The following TENM4 variants were observed in gnomAD, a reference collection of about 807,000 sequenced individuals.
The protein encoded by TENM4 is teneurin transmembrane protein 4.
In TENM4, 82 loss-of-function variants were observed where a neutral mutation model predicts 243.3. The ratio of observed to expected loss-of-function variants is 0.34; its 90% CI spans 0.28 to 0.40. The LOEUF is 0.40. Among genes scored for constraint, TENM4 ranks in the 10% least tolerant of loss-of-function variants. The pLI is 1.00. For synonymous variants in TENM4, 1,412 were observed against 1,456.3 expected (o/e 0.97, Z 0.69); for missense variants, 3,138 against 3,673.3 (o/e 0.85, Z 3.77).
chr11:78,732,568 C>A lies in TENM4; in HGVS notation c.2886G>T (p.Leu962Phe). The A allele has an allele frequency of 6.3e-7, 1 of 1,598,072 alleles. No homozygotes were observed. ...TGATGGAGATGCCGCCATTTGTCAC[C>A]AAGTCAAAGCTGTTTGGGAGGGGAA... is the stretch of plus-strand genomic sequence containing the variant. The part of the protein sequence containing the change: ...TISRQDGSFD[L>F]VTNGGISIIL... Residue 962 changes from leucine to phenylalanine, a missense_variant, in exon 21 of 34, where the codon TTG becomes TTT. Around this residue, in one of 2 missense-constraint regions of TENM4, gnomAD observed 2,467 missense variants for 3,059.1 expected, o/e 0.81. Coordinates refer to ENST00000278550, the MANE Select transcript of TENM4 (RefSeq NM_001098816.3).
intron 25 of TENM4, among the ~76,000 whole-genome samples, chr11:78,715,415 G>A (rs1859498893): frequency 6.6e-6 from 1 of 152,114 alleles, no homozygotes; most frequent in South Asian, 2.1e-4. Flanking sequence ...ATGGTGAGGG[G>A]GCCCTGTCCA....
chr11:78,674,507 G>T (rs1390875705), intron 30 of TENM4, among the ~76,000 whole-genome samples: 2 of 152,174 alleles, frequency 1.3e-5, no homozygotes, highest in Non-Finnish European at 2.9e-5. Flanking sequence ...ACCTGTGCTG[G>T]GCTAGGTGCG....
intron 18 of TENM4, among the ~76,000 whole-genome samples, chr11:78,762,793 T>C (rs1430483377): frequency 6.7e-6 from 1 of 148,936 alleles, no homozygotes; most frequent in South Asian, 2.1e-4. Context: ...CCTGAAACAG[T>C]GCATATGGCT....
At chr11:79,026,754 G>C (rs960335409) in intron 6 of TENM4, among the ~76,000 whole-genome samples, 1 of 152,186 alleles carries the variant, frequency 6.6e-6, no homozygotes, top group Non-Finnish European at 1.5e-5. Context: ...TGGGTGGTCT[G>C]ATCCCCAAAC....
At chr11:79,384,361 C>T (rs1180319954) in intron 1 of TENM4, among the ~76,000 whole-genome samples, 1 of 152,220 alleles carries the variant, frequency 6.6e-6, no homozygotes, top group Non-Finnish European at 1.5e-5. Context: ...CAGCCTCGCA[C>T]TTGATCTGTG....
chr11:79,338,068 A>G (rs2135455932), intron 1 of TENM4, among the ~76,000 whole-genome samples: 1 of 152,360 alleles, frequency 6.6e-6, no homozygotes, highest in South Asian at 2.1e-4. Flanking sequence ...CTCTTCCCCT[A>G]GAATGTGAGT....
At chr11:78,727,175 G>A (rs961204715) in intron 22 of TENM4, among the ~76,000 whole-genome samples, 3 of 152,110 alleles carry the variant, frequency 2.0e-5, no homozygotes, top group Non-Finnish European at 4.4e-5. Context: ...CGGGTTGGGC[G>A]CGGTGGCTCA....
chr11:78,866,224 G>A (rs1018366813), intron 9 of TENM4, among the ~76,000 whole-genome samples: 1 of 152,152 alleles, frequency 6.6e-6, no homozygotes, highest in East Asian at 1.9e-4. Flanking sequence ...CAAAGGTAAC[G>A]GAGAAATTGT....
chr11:78,932,179 T>G (rs538232362), intron 6 of TENM4, among the ~76,000 whole-genome samples: 1 of 152,328 alleles, frequency 6.6e-6, no homozygotes, highest in African/African-American at 2.4e-5. Context: ...AGGCTTCAAC[T>G]AAACTTCCTG....
chr11:78,999,944 A>G (rs1470085462), intron 6 of TENM4, among the ~76,000 whole-genome samples: 1 of 152,244 alleles, frequency 6.6e-6, no homozygotes, highest in Non-Finnish European at 1.5e-5. Flanking sequence ...AAGATAAATG[A>G]GAAGAGATCC....
At chr11:79,035,791 A>C (rs1042904044) in intron 6 of TENM4, among the ~76,000 whole-genome samples, 3 of 152,154 alleles carry the variant, frequency 2.0e-5, no homozygotes, top group Non-Finnish European at 4.4e-5. Context: ...TTCACATTTG[A>C]ATTCCAACAA....
At chr11:79,160,704 CAGA>C (rs1299217881) in intron 3 of TENM4, among the ~76,000 whole-genome samples, 2 of 152,182 alleles carry the variant, frequency 1.3e-5, no homozygotes, top group Non-Finnish European at 2.9e-5. Context: ...AATATCATGG[CAGA>C]AGATCAACAT....
chr11:79,163,241 G>A (rs138222054), intron 3 of TENM4, among the ~76,000 whole-genome samples: 1 of 152,144 alleles, frequency 6.6e-6, no homozygotes, highest in Non-Finnish European at 1.5e-5. Context: ...CTGCAGGCCA[G>A]GCACTATGCT....
intron 9 of TENM4, among the ~76,000 whole-genome samples, chr11:78,865,377 G>T (rs901616421): frequency 6.6e-6 from 1 of 152,138 alleles, no homozygotes; most frequent in South Asian, 2.1e-4. Context: ...CAGTCTTCTC[G>T]GCATCAAGGC....
At chr11:79,203,042 T>A (rs1052414490) in intron 3 of TENM4, among the ~76,000 whole-genome samples, 3 of 152,122 alleles carry the variant, frequency 2.0e-5, no homozygotes, top group African/African-American at 7.2e-5. Flanking sequence ...CTGCAGCTAG[T>A]AAACAGCAAA....
intron 6 of TENM4, among the ~76,000 whole-genome samples, chr11:78,942,259 CAAAAAAAAAAAAAAAAAAAA>C (rs56973257): frequency 8.9e-4 from 10 of 11,194 alleles, no homozygotes; most frequent in Admixed American, 1.4e-3. Flanking sequence ...CAAAATACAC[CAAAAAAAAAAAAAAAAAAAA>C]AAAAAAAAAA....
chr11:79,320,131 C>T (rs1329374839), intron 1 of TENM4, among the ~76,000 whole-genome samples: 1 of 152,194 alleles, frequency 6.6e-6, no homozygotes, highest in Non-Finnish European at 1.5e-5. Context: ...TTCCCTTCTG[C>T]ACCCTCTGAC....
intron 1 of TENM4, among the ~76,000 whole-genome samples, chr11:79,312,199 C>T (rs902460235): frequency 5.9e-5 from 9 of 152,122 alleles, no homozygotes; most frequent in South Asian, 2.1e-4. Flanking sequence ...CACTTCCTGC[C>T]GTGTAGAGTA....
chr11:79,221,806 T>C (rs1213232737), intron 2 of TENM4, among the ~76,000 whole-genome samples: 2 of 152,240 alleles, frequency 1.3e-5, no homozygotes, highest in African/African-American at 2.4e-5. Context: ...TCCTCATTCA[T>C]GAAGACTTGA....
Sources: allele counts gnomAD v4.1 joint callset (sites outside exome capture counted in the v4.1 genomes callset), GRCh38; gene constraint gnomAD v4.1.1; regional missense constraint gnomAD v4.1.1; transcripts MANE v1.5; gene names NCBI Gene and HGNC (gene_info 2026-07-23, HGNC 2026-07-21).